The following DDX39B variants were observed in gnomAD, a reference collection of about 807,000 sequenced individuals.
The protein encoded by DDX39B is DExD-box helicase 39B.
In DDX39B, 6 loss-of-function variants were observed where a neutral mutation model predicts 46.4. That is an observed-to-expected ratio of 0.13 (90% CI 0.07 to 0.26). The LOEUF is 0.26. Ranked by LOEUF, DDX39B falls within the 10% of genes least tolerant of loss-of-function variation. The probability of loss-of-function intolerance (pLI) is 1.00; values close to 1 mark genes in which losing one functional copy is unlikely to be tolerated. For synonymous variants in DDX39B, 174 were observed against 199.4 expected, an observed-to-expected ratio of 0.87 and a Z score of 1.07; for missense variants, 185 against 553.4, an observed-to-expected ratio of 0.33 and a Z score of 6.68.
rs1767141928 is a variant in DDX39B, at chr6:31,531,419, G to A, written c.868-14C>T. On this transcript the variant is annotated splice_polypyrimidine_tract_variant and intron_variant, in intron 7 of 10. Coordinates refer to ENST00000396172, the MANE Select transcript of DDX39B (RefSeq NM_004640.7). The surrounding 1 kb of genome is among the most constrained non-coding windows in gnomAD (Gnocchi z 5.8). ...AAAGATCACCACCTGTTGTGGGGTG[G>A]GGTGGGGGGTCGCAAATTGGGGGAA... is the stretch of plus-strand genomic sequence containing the variant. The A allele has an allele frequency of 4.3e-6, 7 of 1,613,624 alleles. No homozygotes were observed. Among genetic ancestry groups the A allele is most frequent in the African/African-American group, 2.7e-5 (2 of 74,892 alleles).
Position 31,540,677 on chromosome 6 carries a change from A to C in DDX39B, c.-132-13T>G. Reference sequence around the variant, plus strand: ...TCTAACAGAAGAGCTGGAGGGGGGAAAAAAAAAAGCAAGACTTAATCACGA... The same window carrying C: ...TCTAACAGAAGAGCTGGAGGGGGGACAAAAAAAAGCAAGACTTAATCACGA... On this transcript the variant is annotated splice_polypyrimidine_tract_variant and intron_variant, in intron 1 of 10. Coordinates refer to ENST00000396172, the MANE Select transcript of DDX39B (RefSeq NM_004640.7). The C allele has an allele frequency of 1.9e-6, 1 of 528,786 alleles. No individual in the cohort carries two copies. The highest frequency in any genetic ancestry group is 2.9e-6 in the Non-Finnish European group (1 of 341,894). The allele number at this position is 528,786 out of a possible 1,614,324, so 32.8% of individuals were successfully genotyped here.
chr6:31,541,713 G>C, intron 1 of DDX39B: 1 of 569,244 alleles, frequency 1.8e-6, no homozygotes, highest in Non-Finnish European at 3.4e-6. Context: ...GAAGAAGGGA[G>C]CAAAACGAAC....
At chr6:31,536,786 C>A in intron 4 of DDX39B, 103 bp from the exon 5 acceptor site, 1 of 1,429,912 alleles carries the variant, frequency 7.0e-7, no homozygotes, top group South Asian at 1.4e-5. Flanking sequence ...TAGCATGTTT[C>A]CAAACTAAAA....
At position 31,531,479 on chromosome 6, in the gene DDX39B, G is replaced by T; in HGVS notation, c.868-74C>A. 7.7e-7 allele frequency: 1 copy of T among 1,303,164 alleles called. No homozygotes were observed. The highest frequency in any genetic ancestry group is 1.1e-6 in the Non-Finnish European group (1 of 908,476). 80.7% of individuals were successfully genotyped at this position (1,303,164 alleles called of 1,614,324 possible). ...ATGGTGTGTGAGAGACATTACGTGG[G>T]AGAGGGGAGTTTCTAGTAATTACGT... On this transcript the variant is annotated intron_variant, in intron 7 of 10. Coordinates refer to ENST00000396172, the MANE Select transcript of DDX39B (RefSeq NM_004640.7). This position sits in a 1 kb window ranked among gnomAD's most constrained non-coding sequence, Gnocchi z 5.8.
Position 31,531,472 on chromosome 6 carries a change from T to A in DDX39B, c.868-67A>T. ...GGGGTCCATGGTGTGTGAGAGACAT[T>A]ACGTGGGAGAGGGGAGTTTCTAGTA... On this transcript the variant is annotated intron_variant, in intron 7 of 10. Coordinates refer to ENST00000396172, the MANE Select transcript of DDX39B (RefSeq NM_004640.7). The surrounding 1 kb of genome is among the most constrained non-coding windows in gnomAD (Gnocchi z 5.8). The A allele has an allele frequency of 1.4e-6, 2 of 1,399,496 alleles. No individual in the cohort carries two copies. The highest frequency in any genetic ancestry group is 2.0e-6 in the Non-Finnish European group (2 of 992,446). 86.7% of individuals were successfully genotyped at this position (1,399,496 alleles called of 1,614,324 possible).
intron 5 of DDX39B, 155 bp downstream of exon 5, chr6:31,536,345 G>C: frequency 9.4e-7 from 1 of 1,064,298 alleles, no homozygotes. Context: ...GTGCTTAAAA[G>C]CATAATAAAG....
chr6:31,538,705 TTTC>T, intron 4 of DDX39B, 55 bp downstream of exon 4: 7 of 1,490,142 alleles, frequency 4.7e-6, no homozygotes, highest in Non-Finnish European at 6.4e-6. Flanking sequence ...GGCCTACAAG[TTTC>T]TTATCCCTCC....
At position 31,540,675 on chromosome 6, in the gene DDX39B, G is replaced by GA. The variant is rs34788230; in HGVS notation, c.-132-12dup. The stretch of plus-strand genomic sequence containing the variant: ...TTTCTAACAGAAGAGCTGGAGGGGG[G>GA]AAAAAAAAAAGCAAGACTTAATCAC... On this transcript the variant is annotated splice_polypyrimidine_tract_variant and intron_variant, in intron 1 of 10. Transcript: ENST00000396172. The GA allele has an allele frequency of 3.4e-4, 213 of 632,630 alleles. No homozygotes were observed. Among genetic ancestry groups the GA allele is most frequent in the Middle Eastern group, 8.8e-4 (2 of 2,274 alleles). The allele number at this position is 632,630 out of a possible 1,614,324, so 39.2% of individuals were successfully genotyped here.
chr6:31,540,272 T>C (rs1212459193), intron 2 of DDX39B, 50 bp downstream of exon 2: 1 of 1,581,134 alleles, frequency 6.3e-7, no homozygotes, highest in Non-Finnish European at 8.7e-7. Context: ...ATCTTTGTAT[T>C]GTACCCTTAA....
Position 31,530,415 on chromosome 6 carries a change from T to G in DDX39B, c.*19A>C. The G allele has an allele frequency of 6.2e-7, 1 of 1,612,664 alleles. No individual in the cohort carries two copies. Among genetic ancestry groups the G allele is most frequent in the Non-Finnish European group, 8.5e-7 (1 of 1,179,854 alleles). ...TCTCCTGAAGGACAGACGGTCACAT[T>G]CCAAAATGGGCGAGTCTTCTACCGT... On this transcript the variant is annotated 3_prime_UTR_variant, in exon 11 of 11. Coordinates refer to ENST00000396172, the MANE Select transcript of DDX39B (RefSeq NM_004640.7). The surrounding 1 kb of genome is among the most constrained non-coding windows in gnomAD (Gnocchi z 4.5).
At chr6:31,536,350 A>G (rs938675435) in intron 5 of DDX39B, 150 bp downstream of exon 5, 1 of 1,144,150 alleles carries the variant, frequency 8.7e-7, no homozygotes, top group Non-Finnish European at 1.3e-6. Context: ...TAAAAGCATA[A>G]TAAAGACCAA....
intron 4 of DDX39B, 26 bp from the exon 5 acceptor site, chr6:31,536,709 C>T: frequency 6.2e-7 from 1 of 1,609,294 alleles, no homozygotes. Context: ...CAAAGAGTCT[C>T]AAAACAGAGG....
rs1265950277 is a variant in DDX39B at position 31,535,109 on chromosome 6, T to C, written c.735+258A>G. ...AAAGGGAGAAGAGGTTCAAAAATGTTGTGATTTATGAAAAAGTCGAACACT... is the reference window on the plus strand; with the variant it reads ...AAAGGGAGAAGAGGTTCAAAAATGTCGTGATTTATGAAAAAGTCGAACACT... On this transcript the variant is annotated intron_variant, in intron 6 of 10. Transcript: ENST00000396172. This position sits in a 1 kb window ranked among gnomAD's most constrained non-coding sequence, Gnocchi z 4.6. The C allele has an allele frequency of 7.5e-6, 4 of 534,588 alleles. No homozygotes were observed. The highest frequency in any genetic ancestry group is 6.8e-5 in the East Asian group (2 of 29,266). 33.1% of individuals were successfully genotyped at this position (534,588 alleles called of 1,614,324 possible).
chr6:31,539,959 T>C (rs1484186065), intron 2 of DDX39B, among the ~76,000 whole-genome samples: 3 of 144,944 alleles, frequency 2.1e-5, no homozygotes, highest in Non-Finnish European at 3.0e-5. Flanking sequence ...GCCTCCTCTA[T>C]CCAAAATTGT....
At chr6:31,537,589 A>G (rs1767924627) in intron 4 of DDX39B, among the ~76,000 whole-genome samples, 1 of 152,172 alleles carries the variant, frequency 6.6e-6, no homozygotes, top group Admixed American at 6.5e-5. Context: ...AAATATTATC[A>G]TTTCATGTTA....
rs1373254613 is a variant in DDX39B, at chr6:31,541,970, T to C, written c.-153A>G. ...CTTACCTAAACAGGGAGAGCGCGTA[T>C]GGCGGCAGCAACAGCGACGAAGGAG... On this transcript the variant is annotated 5_prime_UTR_variant, in exon 1 of 11. Transcript: ENST00000396172. 1.0e-5 allele frequency: 7 copies of C among 674,714 alleles called. No individual in the cohort carries two copies. Among genetic ancestry groups the C allele is most frequent in the Admixed American group, 2.1e-5 (1 of 48,560 alleles). 41.8% of individuals were successfully genotyped at this position (674,714 alleles called of 1,614,324 possible).
chr6:31,541,872 G>A (rs746644649), intron 1 of DDX39B, 78 bp downstream of exon 1: 18 of 636,174 alleles, frequency 2.8e-5, no homozygotes, highest in Non-Finnish European at 1.7e-5. Context: ...CTGTGAAAAG[G>A]GTATCAGGAA....
Position 31,534,746 on chromosome 6 carries a change from G to C in DDX39B, c.735+621C>G. 2.9e-6 allele frequency: 1 copy of C among 346,276 alleles called. No individual in the cohort carries two copies. The highest frequency in any genetic ancestry group is 5.7e-6 in the Non-Finnish European group (1 of 176,432). 21.5% of individuals were successfully genotyped at this position (346,276 alleles called of 1,614,324 possible). On this transcript the variant is annotated intron_variant, in intron 6 of 10. Transcript: ENST00000396172. This position sits in a 1 kb window ranked among gnomAD's most constrained non-coding sequence, Gnocchi z 5.1. Reference sequence around the variant, plus strand: ...GTCTGCATTCCCTCGCCGCGCCACGGTGCTTCTCTGTTGCCGGCTCACATC... The same window carrying C: ...GTCTGCATTCCCTCGCCGCGCCACGCTGCTTCTCTGTTGCCGGCTCACATC...
intron 1 of DDX39B, chr6:31,541,487 G>A (rs1015170613): frequency 5.2e-6 from 2 of 384,284 alleles, no homozygotes; most frequent in Non-Finnish European, 1.1e-5. Flanking sequence ...ACACTTGGAA[G>A]GCACTCCAAA....
Sources: gnomAD v4.1 joint callset for allele counts (sites outside exome capture counted in the v4.1 genomes callset) on GRCh38, gnomAD v4.1.1 for gene constraint, Gnocchi (gnomAD v3.1) non-coding constraint, MANE v1.5 for transcripts, NCBI Gene and HGNC (gene_info 2026-07-23, HGNC 2026-07-21) for gene names.